Variants in AIM2 observed in about 807,000 individuals in gnomAD.
AIM2 encodes the protein interferon-inducible protein AIM2.
Under a neutral mutation model 27.7 loss-of-function variants are expected in AIM2, and 30 were observed. The ratio of observed to expected loss-of-function variants is 1.08; its 90% CI spans 0.81 to 1.47. The LOEUF is 1.47. Among genes scored for constraint, AIM2 ranks in the 40% most tolerant of loss-of-function variants. The pLI, the probability that AIM2 is intolerant of heterozygous loss-of-function variation, is 0.00. For missense variants in AIM2, 358 were observed against 411.3 expected (o/e 0.87, Z 1.12); for synonymous variants, 141 against 145.3 (o/e 0.97, Z 0.21).
At chr1:159,084,812 CACAT>C (rs1553216769) in intron 1 of AIM2, among the ~76,000 whole-genome samples, 1 of 143,640 alleles carries the variant, frequency 7.0e-6, no homozygotes, top group East Asian at 2.2e-4. Flanking sequence ...CACACACACA[CACAT>C]ACAGACACAC....
chr1:159,116,393 T>C (rs1437094674), intron 1 of AIM2, among the ~76,000 whole-genome samples: 2 of 152,202 alleles, frequency 1.3e-5, no homozygotes, highest in Non-Finnish European at 2.9e-5. Flanking sequence ...CATATGTTTA[T>C]TGTGGCACTA....
intron 1 of AIM2, among the ~76,000 whole-genome samples, chr1:159,119,759 G>A (rs913492303): frequency 4.6e-5 from 7 of 151,790 alleles, no homozygotes; most frequent in South Asian, 2.1e-4. Flanking sequence ...ATGTATTTTC[G>A]TTCTCACCCC....
intron 1 of AIM2, chr1:159,132,167 G>A (rs1405781323): frequency 6.8e-6 from 1 of 147,646 alleles, no homozygotes; most frequent in Non-Finnish European, 1.5e-5. Flanking sequence ...GGCCAACATG[G>A]TGAAACTCCA....
chr1:159,138,243 CA>C (rs927279776), intron 1 of AIM2, among the ~76,000 whole-genome samples: 12 of 152,114 alleles, frequency 7.9e-5, no homozygotes, highest in African/African-American at 2.7e-4. Flanking sequence ...CAACTCTTCC[CA>C]TCACTCCCTC....
intron 1 of AIM2, among the ~76,000 whole-genome samples, chr1:159,106,778 T>C (rs1161059231): frequency 1.3e-5 from 2 of 152,256 alleles, no homozygotes; most frequent in African/African-American, 4.8e-5. Flanking sequence ...GTGTGAAGGC[T>C]CTCTGCCACA....
At chr1:159,108,332 C>A (rs1329904751) in intron 1 of AIM2, among the ~76,000 whole-genome samples, 1 of 152,140 alleles carries the variant, frequency 6.6e-6, no homozygotes, top group Non-Finnish European at 1.5e-5. Context: ...AAGCATTCAA[C>A]AAAATCCAGC....
At chr1:159,136,539 C>T (rs1193240632) in intron 1 of AIM2, among the ~76,000 whole-genome samples, 1 of 152,174 alleles carries the variant, frequency 6.6e-6, no homozygotes, top group Non-Finnish European at 1.5e-5. Context: ...TGGTTATCAA[C>T]TTCCCTTATC....
intron 1 of AIM2, among the ~76,000 whole-genome samples, chr1:159,124,164 C>T (rs934467354): frequency 5.3e-5 from 8 of 152,192 alleles, no homozygotes; most frequent in Non-Finnish European, 8.8e-5. Context: ...CTGCTCATTG[C>T]TTACTCTCAA....
chr1:159,110,812 A>G (rs1401703236), intron 1 of AIM2, among the ~76,000 whole-genome samples: 2 of 152,178 alleles, frequency 1.3e-5, no homozygotes, highest in Non-Finnish European at 2.9e-5. Context: ...TAATTTTTTT[A>G]GTGGCTAAAG....
chr1:159,061,924 T>C (rs145707547), downstream of AIM2, among the ~76,000 whole-genome samples: 240 of 152,378 alleles, frequency 1.6e-3, no homozygotes, highest in Non-Finnish European at 3.0e-3. Context: ...TTTTCTCCCA[T>C]GTTTTCTTGT....
At chr1:159,075,937 A>T (rs752771319) in intron 1 of AIM2, among the ~76,000 whole-genome samples, 33 of 152,224 alleles carry the variant, frequency 2.2e-4, no homozygotes, top group Non-Finnish European at 4.3e-4. Context: ...CTAAACTATC[A>T]CTGTTAATGG....
chr1:159,142,552 C>T (rs1648135753), upstream of AIM2, among the ~76,000 whole-genome samples: 1 of 152,142 alleles, frequency 6.6e-6, no homozygotes, highest in South Asian at 2.1e-4. Context: ...CCCGGAATCC[C>T]TGACAGCCTT....
In AIM2 at chr1:159,066,423, A is replaced by G. The variant is rs78799554; in HGVS notation, c.397-94T>C. The G allele has an allele frequency of 1.4e-3, 1,854 of 1,295,832 alleles. 26 individuals are homozygous for G. In the African/African-American group the frequency reaches 0.024, roughly 16 times the overall value. 80.3% of individuals were successfully genotyped at this position (1,295,832 alleles called of 1,614,324 possible). A position where few individuals can be genotyped will look rare whatever the true frequency, so the allele number is the denominator to read the frequency against. On this transcript the variant is annotated intron_variant, in intron 3 of 5. Coordinates refer to ENST00000368130, the MANE Select transcript of AIM2 (RefSeq NM_004833.3). The stretch of plus-strand genomic sequence containing the variant: ...CTACAGTGCTAAACCTCAGAAAGCC[A>G]GCAGAAGATAGGTGGAATCAAGGGA...
At position 159,068,585 on chromosome 1, in the gene AIM2, C is replaced by G; in HGVS notation, c.379G>C (p.Val127Leu). The G allele has an allele frequency of 6.2e-7, 1 of 1,612,932 alleles. No homozygotes were observed. The highest frequency in any genetic ancestry group is 1.3e-5 in the African/African-American group (1 of 74,942). ...DVAKQRAAPK[V>L]SPHVKPEQKQ... is the part of the protein sequence containing the mutation. ...TATCCTACCTTAACATGAGGAGAGA[C>G]TTTTGGTGCAGCACGTTGCTTTGCG... is the stretch of plus-strand genomic sequence containing the variant. Residue 127 changes from valine to leucine, a missense_variant, in exon 3 of 6, where the codon GTC (valine) becomes CTC (leucine). Transcript: ENST00000368130.
chr1:159,101,528 A>C (rs2102018525), intron 1 of AIM2, among the ~76,000 whole-genome samples: 1 of 152,350 alleles, frequency 6.6e-6, no homozygotes, highest in South Asian at 2.1e-4. Context: ...GAACTAGGTA[A>C]CAGGCAGAGG....
At position 159,127,387 on chromosome 1, in the gene AIM2, C is replaced by T. The variant is rs566094963; in HGVS notation, c.-16+13044G>A. Among the ~76,000 whole-genome samples, 15 of 152,306 alleles carry T rather than the reference C, an allele frequency of 9.8e-5. No homozygotes were observed. The South Asian group carries it at 2.9e-3, about 29-fold the overall frequency. On this transcript the variant is annotated intron_variant, in intron 1 of 2. Coordinates refer to the AIM2 transcript ENST00000368129. The stretch of plus-strand genomic sequence containing the variant: ...CTTGAGTCAAGTAACAGATCAGTGT[C>T]GGCCCTGACTAGTGTTATGGTCTGA...
Position 159,065,895 on chromosome 1 carries a change from G to A in AIM2, c.816+15C>T. ...ATTCTTACTAATCAATATGAAATTA[G>A]ATATGAAAACTTACCTTCTGGACTA... On this transcript the variant is annotated intron_variant, in intron 4 of 5. Coordinates refer to ENST00000368130, the MANE Select transcript of AIM2 (RefSeq NM_004833.3). The A allele has an allele frequency of 6.4e-7, 1 of 1,569,210 alleles. No homozygotes were observed. The highest frequency in any genetic ancestry group is 1.2e-5 in the South Asian group (1 of 83,062).
chr1:159,134,596 C>G (rs1018537859), intron 1 of AIM2, among the ~76,000 whole-genome samples: 1 of 152,150 alleles, frequency 6.6e-6, no homozygotes, highest in Non-Finnish European at 1.5e-5. Flanking sequence ...CTTTGGGAGG[C>G]GGAGGCGGGT....
chr1:159,109,096 G>A (rs1657512863), intron 1 of AIM2, among the ~76,000 whole-genome samples: 1 of 152,042 alleles, frequency 6.6e-6, no homozygotes, highest in African/African-American at 2.4e-5. Context: ...GCAAGACTAA[G>A]CAAAAAGAAC....
Sources: allele counts gnomAD v4.1 joint callset (sites outside exome capture counted in the v4.1 genomes callset), GRCh38; gene constraint gnomAD v4.1.1; transcripts MANE v1.5; gene names NCBI Gene and HGNC (gene_info 2026-07-23, HGNC 2026-07-21).